The following RADIL variants were observed in gnomAD, a reference collection of about 807,000 sequenced individuals.
The protein encoded by RADIL is ras-associating and dilute domain-containing protein.
In RADIL, 99 loss-of-function variants were observed where a neutral mutation model predicts 97.6. The ratio of observed to expected loss-of-function variants is 1.01; its 90% CI spans 0.86 to 1.20. The LOEUF is 1.20. Ranked by LOEUF, RADIL falls within the 50% of genes most tolerant of loss-of-function variation. The pLI is 0.00. For missense variants in RADIL, 1,765 were observed against 1,498.9 expected (o/e 1.18, Z -2.93); for synonymous variants, 803 against 691.8 (o/e 1.16, Z -2.52).
chr7:4,841,496 A>C (rs539482697), intron 2 of RADIL, among the ~76,000 whole-genome samples: 2 of 152,312 alleles, frequency 1.3e-5, no homozygotes, highest in South Asian at 4.2e-4. Flanking sequence ...AGTTTGATCT[A>C]GTGTTGATTT....
At position 4,849,266 on chromosome 7, in the gene RADIL, G is replaced by A. The variant is rs1320358835; in HGVS notation, c.536-12661C>T. On this transcript the variant is annotated intron_variant, in intron 2 of 14. Coordinates refer to ENST00000399583, the MANE Select transcript of RADIL (RefSeq NM_018059.5). The surrounding 1 kb of genome is among the most constrained non-coding windows in gnomAD (Gnocchi z 5.4). ...GAGAACTGCTGTTTTGCTTTTAATC[G>A]GTAATGAGAAACTATTGCTTTAACT... Among the ~76,000 whole-genome samples, 3 of 152,172 alleles carry A rather than the reference G, an allele frequency of 2.0e-5. No individual in the cohort carries two copies. The highest frequency in any genetic ancestry group is 6.5e-5 in the Admixed American group (1 of 15,284).
At chr7:4,806,076 C>CA in intron 9 of RADIL, 1 of 984,384 alleles carries the variant, frequency 1.0e-6, no homozygotes, top group Non-Finnish European at 1.2e-6. Flanking sequence ...AGAAATCAAT[C>CA]AAGTCGGCTA....
At chr7:4,816,742 G>A (rs1782688782) in intron 7 of RADIL, among the ~76,000 whole-genome samples, 1 of 152,160 alleles carries the variant, frequency 6.6e-6, no homozygotes, top group Non-Finnish European at 1.5e-5. Context: ...GCGCACAGAG[G>A]TGGCGCCTGG....
chr7:4,827,585 C>T lies in RADIL; in HGVS notation c.1454+4556G>A, dbSNP rs574226444. Among the ~76,000 whole-genome samples, 8 of 152,082 alleles carry T rather than the reference C, an allele frequency of 5.3e-5. No homozygotes were observed. The East Asian group carries it at 1.4e-3, about 26-fold the overall frequency. On this transcript the variant is annotated intron_variant, in intron 5 of 14. Coordinates refer to ENST00000399583, the MANE Select transcript of RADIL (RefSeq NM_018059.5). ...CTGAGGCAGGAGAATGGCGTGAACC[C>T]AGGAGGCGGAGGTTGCAGTGAGCCG... is the stretch of plus-strand genomic sequence containing the variant.
In RADIL at chr7:4,834,162, G is replaced by A. The variant is rs1877522; in HGVS notation, c.1416+445C>T. Among the ~76,000 whole-genome samples, 37,547 of 152,070 alleles carry A rather than the reference G, an allele frequency of 0.25. 5,648 individuals carry two copies. Among genetic ancestry groups the A allele is most frequent in the East Asian group, 0.36 (1,876 of 5,144 alleles). On this transcript the variant is annotated intron_variant, in intron 4 of 14. Transcript: ENST00000399583. The surrounding 1 kb of genome is among the most constrained non-coding windows in gnomAD (Gnocchi z 6.0). The stretch of plus-strand genomic sequence containing the variant: ...GGCTCCAGCGGGTATGTGCTCAACC[G>A]GCCCCTGGCAGCAAGCACAGGGCGC...
In RADIL at chr7:4,878,104, G is replaced by A. The variant is rs1477951948; in HGVS notation, c.36C>T (p.Pro12=). The change falls in exon 2 of 15, where the codon CCC becomes CCT. Residue 12 remains proline, a synonymous_variant. Coordinates refer to ENST00000399583, the MANE Select transcript of RADIL (RefSeq NM_018059.5). The surrounding 1 kb of genome is among the most constrained non-coding windows in gnomAD (Gnocchi z 4.1). ...TCTGCCGCTTCAGTTTGCTCTTGGT[G>A]GGCGGGGACATGATGAAGTGCGTCC... ...FYGTHFIMSP[P]TKSKLKRQSQ... 3 of 1,584,146 alleles carry A rather than the reference G, an allele frequency of 1.9e-6. No homozygotes were observed. Among genetic ancestry groups the A allele is most frequent in the Non-Finnish European group, 2.6e-6 (3 of 1,166,294 alleles).
Position 4,835,098 on chromosome 7 carries a change from C to T in RADIL, c.925G>A (p.Gly309Ser), listed in dbSNP as rs144507770. The T allele has an allele frequency of 1.9e-6, 3 of 1,608,256 alleles. No individual in the cohort carries two copies. Among genetic ancestry groups the T allele is most frequent in the South Asian group, 2.2e-5 (2 of 90,448 alleles). The change falls in exon 4 of 15, where the codon GGC (glycine) becomes AGC (serine). Residue 309 changes from glycine to serine, a missense_variant. Physicochemically the swap from Gly to Ser is moderately conservative, Grantham distance 56. Transcript: ENST00000399583. This position sits in a 1 kb window ranked among gnomAD's most constrained non-coding sequence, Gnocchi z 5.8. ...AGGACCAGCCTCCCCGCGGCCTGGC[C>T]GCTGTCCGGGAGCGGTTGCCGGCGG... is the stretch of plus-strand genomic sequence containing the variant. The part of the protein sequence containing the change: ...TIRRQPLPDS[G>S]QAAGRLVLEP...
intron 11 of RADIL, among the ~76,000 whole-genome samples, chr7:4,803,332 C>G (rs1234911161): frequency 8.4e-5 from 9 of 106,784 alleles, no homozygotes; most frequent in African/African-American, 4.2e-4. Context: ...TCAGGGCACG[C>G]TGGCTGGGTC....
chr7:4,808,366 T>C (rs1054192813), intron 9 of RADIL, among the ~76,000 whole-genome samples: 28 of 152,086 alleles, frequency 1.8e-4, no homozygotes, highest in African/African-American at 5.8e-4. Flanking sequence ...TATTATTTTA[T>C]GGATACTATA....
rs183216461 is a variant in RADIL, at chr7:4,867,212, G to A, written c.535+10393C>T. Among the ~76,000 whole-genome samples, 102 of 152,250 alleles carry A rather than the reference G, an allele frequency of 6.7e-4. No individual in the cohort carries two copies. The highest frequency in any genetic ancestry group is 2.2e-3 in the African/African-American group (90 of 41,548). ...TGTTGAGGGGCACACAGGCACACGA[G>A]GCTTCTGAGGAAGCTGCTGTCCAGC... On this transcript the variant is annotated intron_variant, in intron 2 of 14. Coordinates refer to ENST00000399583, the MANE Select transcript of RADIL (RefSeq NM_018059.5). This position sits in a 1 kb window ranked among gnomAD's most constrained non-coding sequence, Gnocchi z 4.1.
At chr7:4,866,831 G>A (rs1448473410) in intron 2 of RADIL, among the ~76,000 whole-genome samples, 1 of 152,236 alleles carries the variant, frequency 6.6e-6, no homozygotes, top group Non-Finnish European at 1.5e-5. Context: ...CTAGTAGGAG[G>A]TGTTTGGGTC....
At position 4,840,690 on chromosome 7, in the gene RADIL, C is replaced by T. The variant is rs1391566104; in HGVS notation, c.536-4085G>A. Among the ~76,000 whole-genome samples the T allele has an allele frequency of 3.3e-5, 5 of 152,134 alleles. No individual in the cohort carries two copies. Among genetic ancestry groups the T allele is most frequent in the South Asian group, 2.1e-4 (1 of 4,830 alleles). On this transcript the variant is annotated intron_variant, in intron 2 of 14. Coordinates refer to ENST00000399583, the MANE Select transcript of RADIL (RefSeq NM_018059.5). This position sits in a 1 kb window ranked among gnomAD's most constrained non-coding sequence, Gnocchi z 5.6. ...TCATCAAGAAACCACTATTTCTGGC[C>T]GGGCGCGGTGGCTCACGCCTGTAAT...
intron 2 of RADIL, among the ~76,000 whole-genome samples, chr7:4,839,368 T>A (rs1258975541): frequency 6.6e-6 from 1 of 152,206 alleles, no homozygotes; most frequent in Non-Finnish European, 1.5e-5. Flanking sequence ...AATTTCCGTT[T>A]TTTTTAATTC....
intron 2 of RADIL, chr7:4,859,763 AG>A: frequency 8.0e-6 from 5 of 621,882 alleles, no homozygotes; most frequent in Non-Finnish European, 2.8e-6. Context: ...GTTCCCTGAG[AG>A]GCCAATAGAG....
rs772508323 is a variant in RADIL at position 4,840,899 on chromosome 7, G to A, written c.536-4294C>T. 2.0e-5 allele frequency among the ~76,000 whole-genome samples: 3 copies of A among 152,288 alleles called. No individual in the cohort carries two copies. The highest frequency in any genetic ancestry group is 2.1e-4 in the South Asian group (1 of 4,824). ...GGAGAATGGCTTGAACCCAGGAGGT[G>A]GAGGTTGCAGTGACCTGAGATCGCA... is the stretch of plus-strand genomic sequence containing the variant. On this transcript the variant is annotated intron_variant, in intron 2 of 14. Transcript: ENST00000399583. This position sits in a 1 kb window ranked among gnomAD's most constrained non-coding sequence, Gnocchi z 5.6.
intron 14 of RADIL, 55 bp from the exon 15 acceptor site, chr7:4,799,538 A>G: frequency 6.2e-7 from 1 of 1,612,412 alleles, no homozygotes; most frequent in South Asian, 1.1e-5. Flanking sequence ...GGAGACCCAC[A>G]GGGTGCAGCC....
intron 2 of RADIL, among the ~76,000 whole-genome samples, chr7:4,870,550 T>G (rs539051645): frequency 6.6e-6 from 1 of 152,294 alleles, no homozygotes; most frequent in Non-Finnish European, 1.5e-5. Flanking sequence ...CAAGCAATTC[T>G]CCTGCCTCAG....
At position 4,822,735 on chromosome 7, in the gene RADIL, C is replaced by T. The variant is rs564665846; in HGVS notation, c.1455-181G>A. On this transcript the variant is annotated intron_variant, in intron 5 of 14. Coordinates refer to ENST00000399583, the MANE Select transcript of RADIL (RefSeq NM_018059.5). The surrounding 1 kb of genome is among the most constrained non-coding windows in gnomAD (Gnocchi z 5.3). ...CGTGTACCCGCCTGGCACCTGCCTA[C>T]AACACCCGACAGCCAGAGGACCCTA... Among the ~76,000 whole-genome samples the T allele has an allele frequency of 2.6e-5, 4 of 152,338 alleles. No homozygotes were observed. In the South Asian group the frequency reaches 8.3e-4, roughly 32 times the overall value.
In RADIL at chr7:4,872,992, C is replaced by T. The variant is rs1196202719; in HGVS notation, c.535+4613G>A. On this transcript the variant is annotated intron_variant, in intron 2 of 14. Transcript: ENST00000399583. This position sits in a 1 kb window ranked among gnomAD's most constrained non-coding sequence, Gnocchi z 5.8. ...TCGCTCTGTCACCCAGGCTGGAGTGCAGTGGTGCGATCTCAGCTCACTGCA... is the reference window on the plus strand; with the variant it reads ...TCGCTCTGTCACCCAGGCTGGAGTGTAGTGGTGCGATCTCAGCTCACTGCA... 1.3e-5 allele frequency among the ~76,000 whole-genome samples: 2 copies of T among 152,192 alleles called. No homozygotes were observed. Among genetic ancestry groups the T allele is most frequent in the African/African-American group, 4.8e-5 (2 of 41,450 alleles).
Sources: gnomAD v4.1 joint callset for allele counts (sites outside exome capture counted in the v4.1 genomes callset) on GRCh38, gnomAD v4.1.1 for gene constraint, Gnocchi (gnomAD v3.1) non-coding constraint, MANE v1.5 for transcripts, NCBI Gene and HGNC (gene_info 2026-07-23, HGNC 2026-07-21) for gene names.